The following MAML3 variants were observed in gnomAD, a reference collection of about 807,000 sequenced individuals.
MAML3 encodes mastermind like transcriptional coactivator 3.
Under a neutral mutation model 101.9 loss-of-function variants are expected in MAML3, and 27 were observed. That is an observed-to-expected ratio of 0.27 (90% confidence interval 0.20 to 0.37). MAML3 has a LOEUF of 0.37. Among genes scored for constraint, MAML3 ranks in the 10% least tolerant of loss-of-function variants. MAML3 has a pLI of 1.00. For synonymous variants in MAML3, 501 were observed against 555.9 expected (o/e 0.90, Z 1.39); for missense variants, 1,316 against 1,444.9 (o/e 0.91, Z 1.45).
intron 1 of MAML3, among the ~76,000 whole-genome samples, chr4:140,096,774 A>G (rs1728171759): frequency 6.6e-6 from 1 of 152,218 alleles, no homozygotes; most frequent in Admixed American, 6.5e-5. Context: ...CATCACACAA[A>G]GGTACAATAT....
At chr4:139,973,130 C>T (rs1734259701) in intron 1 of MAML3, among the ~76,000 whole-genome samples, 1 of 152,166 alleles carries the variant, frequency 6.6e-6, no homozygotes, top group African/African-American at 2.4e-5. Context: ...AGCTACTTGG[C>T]TCATTCAGGT....
intron 1 of MAML3, among the ~76,000 whole-genome samples, chr4:140,131,606 A>G (rs562905010): frequency 1.3e-5 from 2 of 152,328 alleles, no homozygotes; most frequent in South Asian, 4.1e-4. Flanking sequence ...ATTCTGGGTA[A>G]TAGTCAACAT....
At chr4:140,088,612 G>A (rs964888075) in intron 1 of MAML3, among the ~76,000 whole-genome samples, 4 of 152,076 alleles carry the variant, frequency 2.6e-5, no homozygotes, top group African/African-American at 7.3e-5. Flanking sequence ...CCTTGTTTCT[G>A]CAGTGTACAA....
At chr4:139,907,062 C>A (rs545123225) in intron 1 of MAML3, among the ~76,000 whole-genome samples, 13 of 152,258 alleles carry the variant, frequency 8.5e-5, no homozygotes, top group African/African-American at 3.1e-4. Flanking sequence ...GAAGACTGAC[C>A]ACACTGCCAG....
chr4:139,916,807 T>G (rs1398262711), intron 1 of MAML3, among the ~76,000 whole-genome samples: 5 of 152,240 alleles, frequency 3.3e-5, no homozygotes, highest in Non-Finnish European at 7.3e-5. Context: ...AGCAAATGTA[T>G]CCACCAATGG....
chr4:140,103,065 C>A (rs536447086), intron 1 of MAML3, among the ~76,000 whole-genome samples: 1 of 152,188 alleles, frequency 6.6e-6, no homozygotes, highest in East Asian at 1.9e-4. Context: ...AACTCCCCGA[C>A]GCCACTCTCA....
chr4:139,861,163 C>T (rs1731774770), intron 2 of MAML3, among the ~76,000 whole-genome samples: 1 of 152,116 alleles, frequency 6.6e-6, no homozygotes, highest in African/African-American at 2.4e-5. Context: ...ACCCTGAGAC[C>T]TCGGGATCTC....
intron 1 of MAML3, among the ~76,000 whole-genome samples, chr4:140,027,663 A>C (rs1204340500): frequency 6.6e-6 from 1 of 152,220 alleles, no homozygotes; most frequent in Non-Finnish European, 1.5e-5. Context: ...GTTAAATAAG[A>C]CCATGCTGAA....
intron 2 of MAML3, among the ~76,000 whole-genome samples, chr4:139,780,077 G>A (rs1160353154): frequency 2.6e-5 from 4 of 152,212 alleles, no homozygotes; most frequent in African/African-American, 9.6e-5. Context: ...GCTGTCCGAG[G>A]CGGTACCCAC....
At chr4:140,010,680 A>G (rs550523753) in intron 1 of MAML3, among the ~76,000 whole-genome samples, 1 of 152,324 alleles carries the variant, frequency 6.6e-6, no homozygotes, top group South Asian at 2.1e-4. Flanking sequence ...CATGTTAGGA[A>G]AAATCCTTTA....
At chr4:139,827,390 T>C (rs1411825181) in intron 2 of MAML3, among the ~76,000 whole-genome samples, 3 of 152,156 alleles carry the variant, frequency 2.0e-5, no homozygotes, top group Admixed American at 6.5e-5. Context: ...TGGGTTAAGG[T>C]GAAGATGCTA....
At chr4:139,984,491 G>A (rs1734500456) in intron 1 of MAML3, among the ~76,000 whole-genome samples, 1 of 151,960 alleles carries the variant, frequency 6.6e-6, no homozygotes, top group Non-Finnish European at 1.5e-5. Context: ...ACATGATTAG[G>A]CATCCACTTA....
At chr4:139,979,078 G>A (rs910906484) in intron 1 of MAML3, among the ~76,000 whole-genome samples, 1 of 152,046 alleles carries the variant, frequency 6.6e-6, no homozygotes, top group African/African-American at 2.4e-5. Flanking sequence ...TTTTGTATGT[G>A]TCCGGCTCTG....
chr4:139,994,786 G>GT (rs1553968047), intron 1 of MAML3, among the ~76,000 whole-genome samples: 49,137 of 150,038 alleles, frequency 0.33, 8,389 homozygotes, highest in Non-Finnish European at 0.37. Flanking sequence ...GCTGGTGGGG[G>GT]GTGTGTGTGT....
chr4:140,068,938 C>G (rs183284074), intron 1 of MAML3, among the ~76,000 whole-genome samples: 49 of 152,256 alleles, frequency 3.2e-4, no homozygotes, highest in Admixed American at 7.2e-4. Context: ...CCTATTGCAA[C>G]CAAACATTGA....
intron 1 of MAML3, among the ~76,000 whole-genome samples, chr4:140,050,389 G>A (rs1727247624): frequency 6.6e-6 from 1 of 152,122 alleles, no homozygotes; most frequent in Non-Finnish European, 1.5e-5. Context: ...TGGTGCCCTA[G>A]AGACAAAGCC....
chr4:139,933,882 G>T (rs898445363), intron 1 of MAML3, among the ~76,000 whole-genome samples: 21 of 152,196 alleles, frequency 1.4e-4, no homozygotes, highest in Non-Finnish European at 8.8e-5. Context: ...TGGGGTGGGG[G>T]TGTGTGTGAA....
chr4:139,908,649 T>A (rs1016948606), intron 1 of MAML3, among the ~76,000 whole-genome samples: 1 of 152,242 alleles, frequency 6.6e-6, no homozygotes, highest in South Asian at 2.1e-4. Context: ...TTTAAATATA[T>A]CACAAGCAGT....
intron 1 of MAML3, among the ~76,000 whole-genome samples, chr4:140,008,807 G>T (rs78753146): frequency 6.6e-6 from 1 of 152,160 alleles, no homozygotes; most frequent in Non-Finnish European, 1.5e-5. Flanking sequence ...GACTCCTTGC[G>T]ATAAAAGACA....
Sources: gnomAD v4.1 joint callset for allele counts (sites outside exome capture counted in the v4.1 genomes callset) on GRCh38, gnomAD v4.1.1 for gene constraint, MANE v1.5 for transcripts, NCBI Gene and HGNC (gene_info 2026-07-23, HGNC 2026-07-21) for gene names.